RPTOR: variants seen among roughly 807,000 people sequenced by gnomAD.
RPTOR encodes regulatory associated protein of MTOR complex 1, also known as regulatory-associated protein of mTOR.
A neutral mutation model predicts 169.9 loss-of-function variants in RPTOR; 21 were observed. The ratio of observed to expected loss-of-function variants is 0.12; its 90% CI spans 0.09 to 0.18. The LOEUF is 0.18. RPTOR is among the 10% of genes least tolerant of loss of function. The pLI, the probability that RPTOR is intolerant of heterozygous loss-of-function variation, is 1.00. For missense variants in RPTOR, 1,133 were observed against 1,855.9 expected (o/e 0.61, Z 7.16); for synonymous variants, 732 against 753.2 (o/e 0.97, Z 0.46).
chr17:80,691,603 C>A (rs1410255819), intron 3 of RPTOR, among the ~76,000 whole-genome samples: 1 of 152,152 alleles, frequency 6.6e-6, no homozygotes, highest in Non-Finnish European at 1.5e-5. Context: ...ATGCAGTTCT[C>A]GCGGTCCTCA....
intron 7 of RPTOR, among the ~76,000 whole-genome samples, chr17:80,797,399 C>T (rs374404781): frequency 5.9e-5 from 9 of 152,216 alleles, no homozygotes; most frequent in Admixed American, 6.5e-5. Context: ...CTGCCTGCCT[C>T]GGTCTCCCAA....
chr17:80,886,786 C>T (rs140851270), intron 17 of RPTOR, among the ~76,000 whole-genome samples: 38 of 152,148 alleles, frequency 2.5e-4, no homozygotes, highest in African/African-American at 8.2e-4. Context: ...CCGTGGGGTT[C>T]GGAGGAGGTG....
At chr17:80,953,665 C>T (rs549628731) in intron 28 of RPTOR, among the ~76,000 whole-genome samples, 1 of 152,372 alleles carries the variant, frequency 6.6e-6, no homozygotes, top group Non-Finnish European at 1.5e-5. Context: ...TTCCCAAGAG[C>T]ATGTCCGGGT....
At chr17:80,894,537 G>C (rs1370153623) in intron 20 of RPTOR, among the ~76,000 whole-genome samples, 3 of 152,330 alleles carry the variant, frequency 2.0e-5, no homozygotes, top group Admixed American at 2.0e-4. Context: ...CCTACCACCA[G>C]GATTGCTGTT....
intron 10 of RPTOR, 89 bp from the exon 11 acceptor site, chr17:80,846,384 C>T (rs2067730599): frequency 5.2e-6 from 7 of 1,339,736 alleles, no homozygotes; most frequent in Non-Finnish European, 7.4e-6. Context: ...TTCGTGAAGG[C>T]TTGGATGCCC....
intron 1 of RPTOR, among the ~76,000 whole-genome samples, chr17:80,561,314 T>C (rs968777674): frequency 4.8e-5 from 7 of 146,172 alleles, no homozygotes; most frequent in African/African-American, 1.0e-4. Context: ...TTTCACCATA[T>C]TGGCCAGGCT....
chr17:80,840,313 C>A (rs555866520), intron 10 of RPTOR, among the ~76,000 whole-genome samples: 204 of 149,646 alleles, frequency 1.4e-3, no homozygotes, highest in African/African-American at 4.7e-3. Context: ...ACTCACCGCA[C>A]GGCAGCTCAC....
At chr17:80,922,872 G>C in intron 22 of RPTOR, 45 bp downstream of exon 22, 1 of 1,488,574 alleles carries the variant, frequency 6.7e-7, no homozygotes, top group Non-Finnish European at 9.1e-7. Flanking sequence ...TGGTGACCGG[G>C]GCCCCACGGG....
At chr17:80,883,323 C>T (rs550278494) in intron 14 of RPTOR, 96 bp from the exon 15 acceptor site, 13 of 1,053,052 alleles carry the variant, frequency 1.2e-5, no homozygotes, top group Admixed American at 3.4e-5. Context: ...ATGCGCCACG[C>T]GTGTCATGAA....
chr17:80,715,118 A>G (rs1310936179), intron 4 of RPTOR, among the ~76,000 whole-genome samples: 1 of 152,258 alleles, frequency 6.6e-6, no homozygotes, highest in Non-Finnish European at 1.5e-5. Context: ...AAATCAATAA[A>G]ATAGAGTACA....
At chr17:80,548,375 T>G (rs1468762744) in intron 1 of RPTOR, among the ~76,000 whole-genome samples, 2 of 118,858 alleles carry the variant, frequency 1.7e-5, no homozygotes, top group South Asian at 2.9e-4. Flanking sequence ...GGGGTGGTTT[T>G]TTTTTTTTTT....
At chr17:80,924,739 G>A (rs1294478296) in intron 23 of RPTOR, among the ~76,000 whole-genome samples, 8 of 152,336 alleles carry the variant, frequency 5.3e-5, no homozygotes, top group Admixed American at 2.0e-4. Context: ...AAGACACAGC[G>A]TGAGAGACGC....
intron 20 of RPTOR, among the ~76,000 whole-genome samples, chr17:80,906,286 C>T (rs1488161213): frequency 3.3e-5 from 5 of 152,102 alleles, no homozygotes; most frequent in Non-Finnish European, 7.4e-5. Flanking sequence ...GAGCCGGCTC[C>T]GCTGGGGTAG....
At chr17:80,956,198 G>A (rs920410775) in intron 28 of RPTOR, among the ~76,000 whole-genome samples, 2 of 149,284 alleles carry the variant, frequency 1.3e-5, no homozygotes, top group Admixed American at 6.7e-5. Flanking sequence ...TGCTTTTACT[G>A]TGTCTAAAAT....
intron 1 of RPTOR, among the ~76,000 whole-genome samples, chr17:80,574,974 A>G (rs1163804077): frequency 7.5e-6 from 1 of 133,584 alleles, no homozygotes; most frequent in Admixed American, 7.6e-5. Flanking sequence ...CCCCTAGTTT[A>G]TTTTATATCT....
In RPTOR at chr17:80,707,568, T is replaced by A. The variant is rs1405932193; in HGVS notation, c.349-273T>A. On this transcript the variant is annotated intron_variant, in intron 3 of 33. Coordinates refer to ENST00000306801, the MANE Select transcript of RPTOR (RefSeq NM_020761.3). This position sits in a 1 kb window ranked among gnomAD's most constrained non-coding sequence, Gnocchi z 5.0. ...ACACCTGGCTAATTTTTTTTTTTTT[T>A]AATTGTAGAGATGGGGTCTCATTCT... 1.3e-5 allele frequency among the ~76,000 whole-genome samples: 2 copies of A among 151,728 alleles called. No homozygotes were observed. The highest frequency in any genetic ancestry group is 2.1e-4 in the South Asian group (1 of 4,792).
intron 10 of RPTOR, among the ~76,000 whole-genome samples, chr17:80,839,726 CT>C (rs1419378543): frequency 1.3e-5 from 2 of 152,248 alleles, no homozygotes; most frequent in Non-Finnish European, 1.5e-5. Context: ...CTTCGGGAAA[CT>C]GGCCTTTCTG....
At chr17:80,792,984 A>T (rs1421681798) in intron 7 of RPTOR, among the ~76,000 whole-genome samples, 1 of 152,078 alleles carries the variant, frequency 6.6e-6, no homozygotes, top group Non-Finnish European at 1.5e-5. Flanking sequence ...ATTTTTAATG[A>T]ATTAAAAAAA....
At chr17:80,602,637 T>C in intron 1 of RPTOR, 1 of 667,636 alleles carries the variant, frequency 1.5e-6, no homozygotes, top group Non-Finnish European at 2.8e-6. Flanking sequence ...ATTTGGTGAA[T>C]CTTCATCCTC....
Sources: allele counts gnomAD v4.1 joint callset (sites outside exome capture counted in the v4.1 genomes callset), GRCh38; gene constraint gnomAD v4.1.1; non-coding constraint Gnocchi (gnomAD v3.1); transcripts MANE v1.5; gene names NCBI Gene and HGNC (gene_info 2026-07-23, HGNC 2026-07-21).